MTUS2: variants seen among roughly 807,000 people sequenced by gnomAD.
MTUS2 encodes microtubule-associated tumor suppressor candidate 2.
Under a neutral mutation model 114.1 loss-of-function variants are expected in MTUS2, and 40 were observed. The observed-to-expected ratio is 0.35, with a 90% CI of 0.27 to 0.46. The LOEUF (loss-of-function observed/expected upper bound fraction) is 0.46, where lower values mean the gene tolerates loss of function less well. Among genes scored for constraint, MTUS2 ranks in the 20% least tolerant of loss-of-function variants. The pLI is 1.00. For missense variants in MTUS2, 1,679 were observed against 1,705.4 expected (o/e 0.98, Z 0.27); for synonymous variants, 688 against 672.0 (o/e 1.02, Z -0.37).
chr13:29,189,448 A>G (rs946021077), intron 5 of MTUS2, among the ~76,000 whole-genome samples: 20 of 152,158 alleles, frequency 1.3e-4, no homozygotes, highest in African/African-American at 4.6e-4. Flanking sequence ...TTAGGGCTGT[A>G]AAGCTATCTT....
chr13:28,912,217 T>G (rs901682296), intron 2 of MTUS2, among the ~76,000 whole-genome samples: 1 of 152,180 alleles, frequency 6.6e-6, no homozygotes, highest in Non-Finnish European at 1.5e-5. Flanking sequence ...CAATTTCAAA[T>G]TTTTTGCATA....
chr13:29,474,209 G>A (rs570365097), intron 9 of MTUS2, among the ~76,000 whole-genome samples: 1 of 152,274 alleles, frequency 6.6e-6, no homozygotes, highest in South Asian at 2.1e-4. Flanking sequence ...AAACTGAGGT[G>A]TACCCAGTTT....
intron 8 of MTUS2, among the ~76,000 whole-genome samples, chr13:29,434,334 T>G (rs1179186207): frequency 6.6e-6 from 1 of 152,122 alleles, no homozygotes; most frequent in African/African-American, 2.4e-5. Flanking sequence ...CTATTTTGCC[T>G]GGGGTGCTCT....
intron 6 of MTUS2, among the ~76,000 whole-genome samples, chr13:29,321,428 A>C (rs1383613396): frequency 6.6e-6 from 1 of 152,228 alleles, no homozygotes; most frequent in African/African-American, 2.4e-5. Flanking sequence ...TTGTAAAAAA[A>C]ATGGCAAGAA....
At chr13:28,897,303 C>T (rs1040055121) in intron 2 of MTUS2, among the ~76,000 whole-genome samples, 2 of 152,172 alleles carry the variant, frequency 1.3e-5, no homozygotes, top group Non-Finnish European at 2.9e-5. Context: ...AAAAAATGCT[C>T]ATCATCACTG....
Position 29,487,880 on chromosome 13 carries a change from TA to T in MTUS2, c.3400-18del. On this transcript the variant is annotated intron_variant, in intron 10 of 15. Transcript: ENST00000612955. ...TCCAAGCAGCTCTCTGTCTAACCAG[TA>T]ACTGCGACTCTCCTCCAGGTGGAAG... is the stretch of plus-strand genomic sequence containing the variant. 1.3e-6 allele frequency: 2 copies of T among 1,587,134 alleles called. No individual in the cohort carries two copies.
chr13:28,899,481 C>T (rs1879500843), intron 2 of MTUS2, among the ~76,000 whole-genome samples: 1 of 152,178 alleles, frequency 6.6e-6, no homozygotes, highest in Non-Finnish European at 1.5e-5. Context: ...GTGATCTCGG[C>T]TCATTGCAAG....
chr13:28,893,937 T>C (rs971755506), intron 2 of MTUS2, among the ~76,000 whole-genome samples: 1 of 152,142 alleles, frequency 6.6e-6, no homozygotes, highest in Non-Finnish European at 1.5e-5. Context: ...ATTTGAGATT[T>C]TGCATGTACA....
chr13:29,344,469 C>T (rs1430052569), intron 7 of MTUS2, among the ~76,000 whole-genome samples: 1 of 152,056 alleles, frequency 6.6e-6, no homozygotes, highest in Non-Finnish European at 1.5e-5. Flanking sequence ...AATAGCTACT[C>T]CGGCTCATTT....
At chr13:29,306,036 C>G (rs867623516) in intron 6 of MTUS2, among the ~76,000 whole-genome samples, 1 of 152,148 alleles carries the variant, frequency 6.6e-6, no homozygotes, top group Non-Finnish European at 1.5e-5. Flanking sequence ...AGACAAAACC[C>G]TCATGATTAT....
At chr13:29,208,161 G>A (rs768615778) in intron 5 of MTUS2, among the ~76,000 whole-genome samples, 2 of 152,004 alleles carry the variant, frequency 1.3e-5, no homozygotes, top group Non-Finnish European at 2.9e-5. Flanking sequence ...AATCTAGGAA[G>A]GTTTTATATT....
At chr13:29,466,895 A>G (rs1479397984) in intron 9 of MTUS2, among the ~76,000 whole-genome samples, 1 of 151,188 alleles carries the variant, frequency 6.6e-6, no homozygotes, top group Non-Finnish European at 1.5e-5. Flanking sequence ...AAAAAAAAAA[A>G]AGAAAAGAAA....
At chr13:29,210,301 A>G (rs781101953) in intron 5 of MTUS2, among the ~76,000 whole-genome samples, 2 of 151,642 alleles carry the variant, frequency 1.3e-5, no homozygotes, top group Non-Finnish European at 2.9e-5. Context: ...TATTTATGCT[A>G]TGTATTTCTC....
At position 29,375,634 on chromosome 13, in the gene MTUS2, TATATACACAC is replaced by T. The variant is rs1871656670; in HGVS notation, c.3117+16163_3117+16172del. Among the ~76,000 whole-genome samples, 15 of 8,608 alleles carry T rather than the reference TATATACACAC, an allele frequency of 1.7e-3. 5 individuals are homozygous for T. The highest frequency in any genetic ancestry group is 2.3e-3 in the African/African-American group (13 of 5,692). 5.6% of individuals were successfully genotyped at this position (8,608 alleles called of 152,430 possible). ...GTATATATATATATATATATATATA[TATATACACAC>T]ACCATGAAATACCACTCAGCTATAA... On this transcript the variant is annotated intron_variant, in intron 8 of 15. Transcript: ENST00000612955.
chr13:28,982,875 GA>G (rs1256849465), intron 2 of MTUS2, among the ~76,000 whole-genome samples: 1 of 152,192 alleles, frequency 6.6e-6, no homozygotes, highest in Admixed American at 6.5e-5. Context: ...AGGGGTTGGG[GA>G]TAGCAACATG....
At position 28,999,228 on chromosome 13, in the gene MTUS2, G is replaced by A. The variant is rs541947835; in HGVS notation, c.-242-25229G>A. ...TGGATATTGGTGAACCGCAAATGCT[G>A]CTGCCTGATCGTTCCTCTGGAAGTT... On this transcript the variant is annotated intron_variant, in intron 2 of 15. Coordinates refer to ENST00000612955, the MANE Select transcript of MTUS2 (RefSeq NM_001033602.4). Among the ~76,000 whole-genome samples, 394 of 152,312 alleles carry A rather than the reference G, an allele frequency of 2.6e-3. 3 individuals carry two copies. Among genetic ancestry groups the A allele is most frequent in the Non-Finnish European group, 4.6e-3 (310 of 68,022 alleles).
chr13:29,359,493 A>G lies in MTUS2; in HGVS notation c.3117+20A>G, dbSNP rs866356676. 5 of 1,597,950 alleles carry G rather than the reference A, an allele frequency of 3.1e-6. No homozygotes were observed. The highest frequency in any genetic ancestry group is 8.5e-7 in the Non-Finnish European group (1 of 1,173,344). On this transcript the variant is annotated intron_variant, in intron 8 of 15. Transcript: ENST00000612955. ...AGAAAGGTGAGGCCCCATTTCGTGA[A>G]GGTCCAAGGGCATTTTGGTTGGAGG...
At chr13:28,951,183 C>A (rs1472904241) in intron 2 of MTUS2, among the ~76,000 whole-genome samples, 1 of 152,124 alleles carries the variant, frequency 6.6e-6, no homozygotes, top group Non-Finnish European at 1.5e-5. Flanking sequence ...ATTCCATTTA[C>A]AATAACACCA....
At chr13:28,837,251 CTATGTTTAACAAATT>C (rs1875153315) in intron 1 of MTUS2, among the ~76,000 whole-genome samples, 1 of 152,198 alleles carries the variant, frequency 6.6e-6, no homozygotes. Context: ...TTTAACAAAT[CTATGTTTAACAAATT>C]CTCTTTGTGG....
Sources: gnomAD v4.1 joint callset for allele counts (sites outside exome capture counted in the v4.1 genomes callset) on GRCh38, gnomAD v4.1.1 for gene constraint, MANE v1.5 for transcripts, NCBI Gene and HGNC (gene_info 2026-07-23, HGNC 2026-07-21) for gene names.